ZNF33A: variants seen among roughly 807,000 people sequenced by gnomAD.
ZNF33A encodes the protein zinc finger protein 33A, also known as brain my041 protein.
ZNF33A carries 9 observed loss-of-function variants against 15.9 expected under a neutral mutation model. The ratio of observed to expected loss-of-function variants is 0.57; its 90% confidence interval spans 0.34 to 0.99. ZNF33A has a LOEUF of 0.99. ZNF33A is among the 50% of genes least tolerant of loss of function. ZNF33A has a pLI of 0.02. For synonymous variants in ZNF33A, 294 were observed against 324.2 expected (o/e 0.91, Z 1.00); for missense variants, 843 against 941.6 (o/e 0.90, Z 1.37).
chr10:38,021,003 A>G (rs1368850171), intron 4 of ZNF33A, among the ~76,000 whole-genome samples: 2 of 152,134 alleles, frequency 1.3e-5, no homozygotes, highest in African/African-American at 4.8e-5. Context: ...TTTTGTGTGG[A>G]TAGTTGCCAA....
intron 4 of ZNF33A, among the ~76,000 whole-genome samples, chr10:38,042,452 G>A (rs1223865773): frequency 1.3e-5 from 2 of 150,724 alleles, no homozygotes; most frequent in African/African-American, 2.4e-5. Context: ...AAAGTGCTGG[G>A]ATTACAGGCG....
chr10:38,057,524 T>C lies in ZNF33A; in HGVS notation c.*964T>C. ...GTAGGTATCCTAGTTTAGTAGTGGT[T>C]ACATTATCAGGCCCATCCCAGATGT... On this transcript the variant is annotated 3_prime_UTR_variant, in exon 5 of 5. Transcript: ENST00000432900. 1 of 985,450 alleles carries C rather than the reference T, an allele frequency of 1.0e-6. No homozygotes were observed. Among genetic ancestry groups the C allele is most frequent in the Non-Finnish European group, 1.2e-6 (1 of 829,924 alleles). 61.0% of individuals were successfully genotyped at this position (985,450 alleles called of 1,614,324 possible). A position where few individuals can be genotyped will look rare whatever the true frequency, so the allele number is the denominator to read the frequency against.
At chr10:38,010,884 G>A in intron 1 of ZNF33A, 101 bp downstream of exon 1, 1 of 1,423,316 alleles carries the variant, frequency 7.0e-7, no homozygotes, top group Non-Finnish European at 9.6e-7. Flanking sequence ...GGAGGCCCGG[G>A]GACCTCATAG....
intron 4 of ZNF33A, among the ~76,000 whole-genome samples, chr10:38,045,893 T>C (rs1052353303): frequency 3.3e-5 from 5 of 152,242 alleles, no homozygotes; most frequent in African/African-American, 1.2e-4. Flanking sequence ...GTGAGAGTCC[T>C]GCTCCATTAT....
intron 4 of ZNF33A, among the ~76,000 whole-genome samples, chr10:38,044,696 C>CT (rs981201538): frequency 6.6e-6 from 1 of 151,500 alleles, no homozygotes; most frequent in South Asian, 2.1e-4. Context: ...TTTTGACAGT[C>CT]TCGCTCTGTC....
At chr10:38,067,155 A>G (rs930681365), downstream of ZNF33A, among the ~76,000 whole-genome samples, 4 of 152,324 alleles carry the variant, frequency 2.6e-5, no homozygotes, top group African/African-American at 7.2e-5. Flanking sequence ...CCTACCAGGA[A>G]AAAGGCCCAA....
At chr10:38,045,099 A>AT (rs972518333) in intron 4 of ZNF33A, among the ~76,000 whole-genome samples, 1 of 151,984 alleles carries the variant, frequency 6.6e-6, no homozygotes, top group African/African-American at 2.4e-5. Flanking sequence ...ATGTCTTGTA[A>AT]TTTTTTTGTT....
chr10:38,055,025 T>A lies in ZNF33A; in HGVS notation c.901T>A (p.Tyr301Asn), dbSNP rs756417303. The change falls in exon 5 of 5, where the codon TAT becomes AAT. Residue 301 changes from tyrosine (Y) to asparagine (N), a missense_variant. By Grantham distance (143) the Tyr-to-Asn change is moderately radical (BLOSUM62 -2). Coordinates refer to ENST00000432900, the MANE Select transcript of ZNF33A (RefSeq NM_006954.2). ...ACCTCATGGGGTATCTATGAAACACTATGATTGTGGTGAAAGTGGGAATAA... is the reference window on the plus strand; with the variant it reads ...ACCTCATGGGGTATCTATGAAACACAATGATTGTGGTGAAAGTGGGAATAA... ...SKPHGVSMKH[Y>N]DCGESGNNFR... The A allele has an allele frequency of 5.6e-6, 9 of 1,614,002 alleles. No homozygotes were observed. Among genetic ancestry groups the A allele is most frequent in the Non-Finnish European group, 7.6e-6 (9 of 1,180,000 alleles).
At position 38,057,719 on chromosome 10, in the gene ZNF33A, C is replaced by T; in HGVS notation, c.*1159C>T. 1 of 985,454 alleles carries T rather than the reference C, an allele frequency of 1.0e-6. No individual in the cohort carries two copies. The allele number at this position is 985,454 out of a possible 1,614,324, so 61.0% of individuals were successfully genotyped here. A position where few individuals can be genotyped will look rare whatever the true frequency, so the allele number is the denominator to read the frequency against. ...TTCTCTTCCTACCTGTGGCTCATGC[C>T]ATGCCATGAAGTGCCTAGGGTACAT... On this transcript the variant is annotated 3_prime_UTR_variant, in exon 5 of 5. Coordinates refer to ENST00000432900, the MANE Select transcript of ZNF33A (RefSeq NM_006954.2).
At chr10:38,051,089 A>G (rs1283449793) in intron 4 of ZNF33A, among the ~76,000 whole-genome samples, 1 of 151,958 alleles carries the variant, frequency 6.6e-6, no homozygotes. Flanking sequence ...ACATTTGAAA[A>G]TACAGCAATA....
intron 4 of ZNF33A, chr10:38,043,839 AT>A (rs1468886059): frequency 6.7e-6 from 1 of 149,988 alleles, no homozygotes; most frequent in Admixed American, 6.6e-5. Flanking sequence ...TCGTCAACAG[AT>A]GTGCAAGTTT....
chr10:38,036,168 G>A (rs557906383), intron 4 of ZNF33A, among the ~76,000 whole-genome samples: 2 of 152,080 alleles, frequency 1.3e-5, no homozygotes, highest in African/African-American at 2.4e-5. Flanking sequence ...GGCCGGGTAC[G>A]TTGGCTTATG....
chr10:38,018,162 A>ATGTATATTAAATGTTC (rs2064555631), intron 4 of ZNF33A, among the ~76,000 whole-genome samples: 1 of 152,236 alleles, frequency 6.6e-6, no homozygotes, highest in Non-Finnish European at 1.5e-5. Context: ...CTATATGTAT[A>ATGTATATTAAATGTTC]TGTATATTAA....
Position 38,055,647 on chromosome 10 carries a change from A to C in ZNF33A, c.1523A>C (p.His508Pro). 6.2e-7 allele frequency: 1 copy of C among 1,614,132 alleles called. No individual in the cohort carries two copies. The highest frequency in any genetic ancestry group is 1.3e-5 in the African/African-American group (1 of 75,052). The change falls in exon 5 of 5, where the codon CAC becomes CCC. Residue 508 changes from histidine to proline, a missense_variant. Coordinates refer to ENST00000432900, the MANE Select transcript of ZNF33A (RefSeq NM_006954.2). ...AATGCATGTGGGAAAACTTTCTACCACAAGTCATTACTCACCAGGCATCAG... is the reference window on the plus strand; with the variant it reads ...AATGCATGTGGGAAAACTTTCTACCCCAAGTCATTACTCACCAGGCATCAG... ...ECNACGKTFYHKSLLTRHQII... is the reference protein window; with the variant it reads ...ECNACGKTFYPKSLLTRHQII...
At chr10:38,014,337 A>C (rs2135535973) in intron 2 of ZNF33A, among the ~76,000 whole-genome samples, 1 of 152,150 alleles carries the variant, frequency 6.6e-6, no homozygotes, top group African/African-American at 2.4e-5. Flanking sequence ...TGCCTGGCCA[A>C]ATATTTAATG....
intron 4 of ZNF33A, among the ~76,000 whole-genome samples, chr10:38,026,013 G>A (rs1461416136): frequency 6.6e-6 from 1 of 152,180 alleles, no homozygotes; most frequent in African/African-American, 2.4e-5. Flanking sequence ...TTTCATGTCA[G>A]TAGTGTGACA....
At chr10:38,065,651 C>A (rs529130937), downstream of ZNF33A, among the ~76,000 whole-genome samples, 2 of 152,128 alleles carry the variant, frequency 1.3e-5, no homozygotes, top group East Asian at 3.9e-4. Context: ...TTCCGCACCA[C>A]CAACTCCAGT....
chr10:38,039,630 A>G (rs1480408894), intron 4 of ZNF33A: 1 of 450,126 alleles, frequency 2.2e-6, no homozygotes, highest in Admixed American at 2.4e-5. Context: ...TTTTTGTTTT[A>G]TGGATTTTCC....
At chr10:38,033,100 T>C (rs1384717260) in intron 4 of ZNF33A, among the ~76,000 whole-genome samples, 1 of 152,200 alleles carries the variant, frequency 6.6e-6, no homozygotes, top group Non-Finnish European at 1.5e-5. Context: ...CAAATATCCG[T>C]TAGCAGTTAC....
Sources: allele counts gnomAD v4.1 joint callset (sites outside exome capture counted in the v4.1 genomes callset), GRCh38; gene constraint gnomAD v4.1.1; transcripts MANE v1.5; gene names NCBI Gene and HGNC (gene_info 2026-07-23, HGNC 2026-07-21).